The following LIMCH1 variants were observed in gnomAD, a reference collection of about 807,000 sequenced individuals.
The protein encoded by LIMCH1 is LIM and calponin homology domains-containing protein 1.
A neutral mutation model predicts 176.5 loss-of-function variants in LIMCH1; 113 were observed. The observed-to-expected ratio is 0.64, with a 90% confidence interval of 0.55 to 0.75. The LOEUF (loss-of-function observed/expected upper bound fraction) is 0.75. Ranked by LOEUF, LIMCH1 falls within the 30% of genes least tolerant of loss-of-function variation. The pLI, the probability that LIMCH1 is intolerant of heterozygous loss-of-function variation, is 0.00. For missense variants in LIMCH1, 1,674 were observed against 1,814.9 expected, an observed-to-expected ratio of 0.92 and a Z score of 1.41; for synonymous variants, 619 against 645.9, an observed-to-expected ratio of 0.96 and a Z score of 0.63.
Position 41,382,135 on chromosome 4 carries a change from A to G in LIMCH1, c.96+21199A>G, listed in dbSNP as rs573737266. On this transcript the variant is annotated intron_variant, in intron 1 of 26. Transcript: ENST00000313860. ...AAATGCCTAGTGTTGTTTACCACTG[A>G]AGTGTGTGGATATTTGTCTCATAGC... Among the ~76,000 whole-genome samples the G allele has an allele frequency of 3.3e-5, 5 of 152,322 alleles. No individual in the cohort carries two copies. In the South Asian group the frequency reaches 1.0e-3, roughly 32 times the overall value.
chr4:41,478,190 G>C (rs1041674355), intron 1 of LIMCH1, among the ~76,000 whole-genome samples: 1 of 152,144 alleles, frequency 6.6e-6, no homozygotes. Flanking sequence ...CAAATACATA[G>C]CTTAGCTAAT....
At chr4:41,381,272 A>C (rs2055619286) in intron 1 of LIMCH1, among the ~76,000 whole-genome samples, 2 of 152,246 alleles carry the variant, frequency 1.3e-5, no homozygotes, top group East Asian at 3.9e-4. Flanking sequence ...TGTACAGCAC[A>C]GCACCAACCA....
chr4:41,538,799 C>G (rs1221908909), intron 1 of LIMCH1, among the ~76,000 whole-genome samples: 1 of 152,082 alleles, frequency 6.6e-6, no homozygotes, highest in Non-Finnish European at 1.5e-5. Flanking sequence ...GCTCCTGACT[C>G]CACAGCCCCC....
In LIMCH1 at chr4:41,646,504, C is replaced by A; in HGVS notation, c.2431C>A (p.Leu811Met). The A allele has an allele frequency of 1.2e-6, 2 of 1,613,366 alleles. No homozygotes were observed. The highest frequency in any genetic ancestry group is 1.7e-6 in the Non-Finnish European group (2 of 1,179,482). ...CTTTAGAGAGCGGAGAGAGAGAGAG[C>A]TGCATGAAGCATATAAGAACGCTCG... Reference protein sequence around the residue: ...VQEKERRERELHEAYKNARSQ... With the variant: ...VQEKERREREMHEAYKNARSQ... The change falls in exon 17 of 32, where the codon CTG becomes ATG. Residue 811 changes from leucine to methionine, a missense_variant. Transcript: ENST00000503057.
chr4:41,546,346 C>T (rs1346363065), intron 1 of LIMCH1, among the ~76,000 whole-genome samples: 1 of 151,858 alleles, frequency 6.6e-6, no homozygotes, highest in Non-Finnish European at 1.5e-5. Context: ...ACCATGTTGG[C>T]CAGGCTGGTC....
chr4:41,527,881 C>T (rs2076847340), intron 3 of LIMCH1, among the ~76,000 whole-genome samples: 1 of 147,476 alleles, frequency 6.8e-6, no homozygotes, highest in South Asian at 2.2e-4. Context: ...GGAAAACTGT[C>T]GTAGATTAAA....
chr4:41,580,112 A>G (rs560902501), intron 1 of LIMCH1, among the ~76,000 whole-genome samples: 1 of 152,162 alleles, frequency 6.6e-6, no homozygotes, highest in South Asian at 2.1e-4. Context: ...TAAAATTCCA[A>G]ATCTCATGGG....
intron 1 of LIMCH1, among the ~76,000 whole-genome samples, chr4:41,443,923 A>G (rs1212514527): frequency 6.6e-6 from 1 of 152,226 alleles, no homozygotes; most frequent in East Asian, 1.9e-4. Flanking sequence ...GAATATGCTC[A>G]CTTAAAACTC....
rs145343162 is a variant in LIMCH1 at position 41,664,495 on chromosome 4, C to G, written c.3291+1511C>G. On this transcript the variant is annotated intron_variant, in intron 20 of 31. Transcript: ENST00000503057. ...ATTTTTATAGATAATTAATGGTCTG[C>G]AGGTCTGGAAAGGGGAACTAAACTG... Among the ~76,000 whole-genome samples, 649 of 152,282 alleles carry G rather than the reference C, an allele frequency of 4.3e-3. 7 individuals carry two copies. The highest frequency in any genetic ancestry group is 0.015 in the African/African-American group (623 of 41,556).
chr4:41,532,780 T>A (rs1429557181), intron 3 of LIMCH1, among the ~76,000 whole-genome samples: 2 of 152,250 alleles, frequency 1.3e-5, no homozygotes, highest in African/African-American at 4.8e-5. Context: ...GATTATTATG[T>A]CCTTTCTGGT....
chr4:41,397,828 A>G (rs4861102), intron 1 of LIMCH1, among the ~76,000 whole-genome samples: 9 of 152,066 alleles, frequency 5.9e-5, no homozygotes, highest in East Asian at 1.9e-4. Flanking sequence ...ATTGACATTT[A>G]TATATTTATA....
intron 5 of LIMCH1, among the ~76,000 whole-genome samples, chr4:41,615,894 C>T (rs1307975313): frequency 6.6e-6 from 1 of 152,112 alleles, no homozygotes; most frequent in Non-Finnish European, 1.5e-5. Flanking sequence ...AATCAAGGGC[C>T]ATACTCATGA....
intron 12 of LIMCH1, 31 bp downstream of exon 12, chr4:41,633,116 G>A (rs936527775): frequency 1.5e-5 from 21 of 1,447,132 alleles, no homozygotes; most frequent in South Asian, 7.3e-5. Flanking sequence ...CTGCTCCGTG[G>A]TGTGTTGCCC....
chr4:41,565,341 T>G (rs2152565662), intron 1 of LIMCH1, among the ~76,000 whole-genome samples: 1 of 132,684 alleles, frequency 7.5e-6, no homozygotes, highest in East Asian at 2.1e-4. Flanking sequence ...GTTAGCTATT[T>G]CGGATACACA....
intron 17 of LIMCH1, among the ~76,000 whole-genome samples, chr4:41,648,564 G>T (rs911758080): frequency 2.0e-5 from 3 of 152,076 alleles, no homozygotes; most frequent in Non-Finnish European, 4.4e-5. Flanking sequence ...ATTACTGAGT[G>T]CATGGACAGC....
At chr4:41,490,061 A>G (rs1028116050) in intron 1 of LIMCH1, among the ~76,000 whole-genome samples, 2 of 152,094 alleles carry the variant, frequency 1.3e-5, no homozygotes, top group African/African-American at 2.4e-5. Context: ...TCATCTTCAT[A>G]TGGGGTAGAC....
chr4:41,627,675 G>A (rs2152851948), intron 8 of LIMCH1, among the ~76,000 whole-genome samples: 2 of 152,306 alleles, frequency 1.3e-5, no homozygotes, highest in East Asian at 3.9e-4. Context: ...TTGGGGACAG[G>A]AAAATTATAG....
chr4:41,463,649 C>T (rs1387526369), intron 1 of LIMCH1, among the ~76,000 whole-genome samples: 1 of 151,430 alleles, frequency 6.6e-6, no homozygotes, highest in Non-Finnish European at 1.5e-5. Flanking sequence ...GATCTCGGCT[C>T]ACTGCAGCCC....
At chr4:41,585,773 T>G (rs147987353) in intron 1 of LIMCH1, among the ~76,000 whole-genome samples, 1 of 152,286 alleles carries the variant, frequency 6.6e-6, no homozygotes, top group Non-Finnish European at 1.5e-5. Flanking sequence ...GATTTGCCTG[T>G]TATTATTGTT....
Sources: allele counts gnomAD v4.1 joint callset (sites outside exome capture counted in the v4.1 genomes callset), GRCh38; gene constraint gnomAD v4.1.1; transcripts MANE v1.5; gene names NCBI Gene and HGNC (gene_info 2026-07-23, HGNC 2026-07-21).